The following RNF144B variants were observed in gnomAD, a reference collection of about 807,000 sequenced individuals.
The protein encoded by RNF144B is ring finger protein 144B, also known as E3 ubiquitin-protein ligase RNF144B.
A neutral mutation model predicts 40.2 loss-of-function variants in RNF144B; 25 were observed. The observed-to-expected ratio is 0.62, with a 90% CI of 0.45 to 0.87. RNF144B has a LOEUF of 0.87. RNF144B is among the 40% of genes least tolerant of loss of function. The pLI is 0.00. For synonymous variants in RNF144B, 145 were observed against 136.3 expected (o/e 1.06, Z -0.44); for missense variants, 365 against 373.7 (o/e 0.98, Z 0.19).
At position 18,450,389 on chromosome 6, in the gene RNF144B, C is replaced by A. The variant is rs1481592199; in HGVS notation, c.332-6766C>A. On this transcript the variant is annotated intron_variant, in intron 4 of 7. Coordinates refer to ENST00000259939, the MANE Select transcript of RNF144B (RefSeq NM_182757.4). The surrounding 1 kb of genome is among the most constrained non-coding windows in gnomAD (Gnocchi z 4.7). The stretch of plus-strand genomic sequence containing the variant: ...TTCAGCTTACTGCGATCTCCGCCTC[C>A]CGGGTTCAAGTGATTCTCCTGCCTC... Among the ~76,000 whole-genome samples the A allele has an allele frequency of 6.6e-6, 1 of 152,036 alleles. No individual in the cohort carries two copies. Among genetic ancestry groups the A allele is most frequent in the Admixed American group, 6.5e-5 (1 of 15,274 alleles).
At chr6:18,394,915 G>T (rs971606173) in intron 1 of RNF144B, among the ~76,000 whole-genome samples, 1 of 152,094 alleles carries the variant, frequency 6.6e-6, no homozygotes, top group Non-Finnish European at 1.5e-5. Context: ...TTTCAGAATG[G>T]CTTTCCTTCC....
intron 4 of RNF144B, among the ~76,000 whole-genome samples, chr6:18,451,967 G>A (rs1415410664): frequency 6.6e-6 from 1 of 152,148 alleles, no homozygotes; most frequent in Non-Finnish European, 1.5e-5. Flanking sequence ...CCCTAATTGA[G>A]GTGGGTGGAG....
At position 18,458,415 on chromosome 6, in the gene RNF144B, T is replaced by C. The variant is rs1759377922; in HGVS notation, c.536+1056T>C. Among the ~76,000 whole-genome samples the C allele has an allele frequency of 6.6e-6, 1 of 152,158 alleles. No individual in the cohort carries two copies. Among genetic ancestry groups the C allele is most frequent in the Non-Finnish European group, 1.5e-5 (1 of 68,028 alleles). Reference sequence around the variant, plus strand: ...AATGTGTAGAACCAGGCTTCATGAATAGTAATGCTACTTGGCTACGATGCT... The same window carrying C: ...AATGTGTAGAACCAGGCTTCATGAACAGTAATGCTACTTGGCTACGATGCT... On this transcript the variant is annotated intron_variant, in intron 5 of 7. Transcript: ENST00000259939. The surrounding 1 kb of genome is among the most constrained non-coding windows in gnomAD (Gnocchi z 4.8).
In RNF144B at chr6:18,457,293, A is replaced by G; in HGVS notation, c.470A>G (p.Lys157Arg). 6.2e-7 allele frequency: 1 copy of G among 1,614,204 alleles called. No homozygotes were observed. Among genetic ancestry groups the G allele is most frequent in the East Asian group, 2.2e-5 (1 of 44,874 alleles). The change falls in exon 5 of 8, where the codon AAG becomes AGG. Residue 157 changes from lysine to arginine, a missense_variant. Transcript: ENST00000259939. The surrounding 1 kb of genome is among the most constrained non-coding windows in gnomAD (Gnocchi z 5.1). ...CACCTGAAATTCTGCTCGTGTTGCA[A>G]GGATGCTTGGCATGCAGAGGTCTCC... ...SCHLKFCSCC[K>R]DAWHAEVSCR...
intron 3 of RNF144B, among the ~76,000 whole-genome samples, chr6:18,437,761 AGTT>A (rs1265781722): frequency 6.6e-6 from 1 of 152,186 alleles, no homozygotes; most frequent in South Asian, 2.1e-4. Context: ...CCATCTCTAC[AGTT>A]GTTTACTTTT....
intron 2 of RNF144B, among the ~76,000 whole-genome samples, chr6:18,407,202 C>T (rs1193621325): frequency 2.0e-5 from 3 of 152,044 alleles, no homozygotes; most frequent in African/African-American, 7.2e-5. Flanking sequence ...ATCCTGTGGC[C>T]AAGATGACAC....
At chr6:18,411,962 G>A (rs1008751151) in intron 2 of RNF144B, among the ~76,000 whole-genome samples, 2 of 152,118 alleles carry the variant, frequency 1.3e-5, no homozygotes, top group Non-Finnish European at 2.9e-5. Flanking sequence ...TTTAAGTATT[G>A]TATAGTGTTC....
Position 18,456,659 on chromosome 6 carries a change from G to T in RNF144B, c.332-496G>T, listed in dbSNP as rs1759332725. Among the ~76,000 whole-genome samples, 1 of 152,198 alleles carries T rather than the reference G, an allele frequency of 6.6e-6. No individual in the cohort carries two copies. The highest frequency in any genetic ancestry group is 2.4e-5 in the African/African-American group (1 of 41,444). On this transcript the variant is annotated intron_variant, in intron 4 of 7. Coordinates refer to ENST00000259939, the MANE Select transcript of RNF144B (RefSeq NM_182757.4). The surrounding 1 kb of genome is among the most constrained non-coding windows in gnomAD (Gnocchi z 4.7). ...GTTAGTACCTACTTTGAGAAATGTG[G>T]CAGGGCTTAGCGACCTTGTAAATGA...
At position 18,416,195 on chromosome 6, in the gene RNF144B, T is replaced by C. The variant is rs961149487; in HGVS notation, c.166-11386T>C. On this transcript the variant is annotated intron_variant, in intron 2 of 7. Transcript: ENST00000259939. The surrounding 1 kb of genome is among the most constrained non-coding windows in gnomAD (Gnocchi z 5.5). ...TAGCACCTGGGCCAGAGGGATCTCT[T>C]TGGGATTAGTATAAAAAGTGGGGCC... is the stretch of plus-strand genomic sequence containing the variant. Among the ~76,000 whole-genome samples, 77 of 152,118 alleles carry C rather than the reference T, an allele frequency of 5.1e-4. No homozygotes were observed. The highest frequency in any genetic ancestry group is 1.0e-3 in the Non-Finnish European group (68 of 68,016).
At chr6:18,454,159 A>T (rs920730008) in intron 4 of RNF144B, among the ~76,000 whole-genome samples, 2 of 152,214 alleles carry the variant, frequency 1.3e-5, no homozygotes, top group African/African-American at 4.8e-5. Flanking sequence ...TCAAAGGCAG[A>T]AAAACAGAAA....
chr6:18,449,561 T>G (rs1411519599), intron 4 of RNF144B, among the ~76,000 whole-genome samples: 1 of 152,132 alleles, frequency 6.6e-6, no homozygotes, highest in Non-Finnish European at 1.5e-5. Flanking sequence ...CCTTAATATT[T>G]TTAGCTCTAT....
At position 18,458,031 on chromosome 6, in the gene RNF144B, G is replaced by A. The variant is rs1302774517; in HGVS notation, c.536+672G>A. Among the ~76,000 whole-genome samples the A allele has an allele frequency of 1.3e-5, 2 of 151,860 alleles. No homozygotes were observed. Among genetic ancestry groups the A allele is most frequent in the Non-Finnish European group, 2.9e-5 (2 of 67,982 alleles). On this transcript the variant is annotated intron_variant, in intron 5 of 7. Coordinates refer to ENST00000259939, the MANE Select transcript of RNF144B (RefSeq NM_182757.4). This position sits in a 1 kb window ranked among gnomAD's most constrained non-coding sequence, Gnocchi z 4.8. ...CGGCTCACTGCAACCACTGCCTCCT[G>A]GGTTCAAGCGATTCTCCTGCCTCAG...
rs917684582 is a variant in RNF144B at position 18,450,081 on chromosome 6, A to C, written c.332-7074A>C. Reference sequence around the variant, plus strand: ...ATCTGTGTGTAGCTGTTTGACTGTAAGGGATAAGTCAGCTGTCACTGTTCC... The same window carrying C: ...ATCTGTGTGTAGCTGTTTGACTGTACGGGATAAGTCAGCTGTCACTGTTCC... On this transcript the variant is annotated intron_variant, in intron 4 of 7. Transcript: ENST00000259939. This position sits in a 1 kb window ranked among gnomAD's most constrained non-coding sequence, Gnocchi z 4.7. 2.0e-5 allele frequency among the ~76,000 whole-genome samples: 3 copies of C among 152,202 alleles called. No homozygotes were observed. Among genetic ancestry groups the C allele is most frequent in the Non-Finnish European group, 4.4e-5 (3 of 68,036 alleles).
rs58634102 is a variant in RNF144B at position 18,394,177 on chromosome 6, T to C, written c.-36-5322T>C. On this transcript the variant is annotated intron_variant, in intron 1 of 7. Transcript: ENST00000259939. ...AAATTCCAAAATAATTAGGGATAAG[T>C]GTCCTAATAATAATTAGGGTAAGTA... is the stretch of plus-strand genomic sequence containing the variant. Among the ~76,000 whole-genome samples, 443 of 152,334 alleles carry C rather than the reference T, an allele frequency of 2.9e-3. 2 individuals carry two copies. The highest frequency in any genetic ancestry group is 0.01 in the African/African-American group (427 of 41,562).
intron 4 of RNF144B, among the ~76,000 whole-genome samples, chr6:18,455,068 A>T (rs1037901916): frequency 1.1e-4 from 17 of 152,170 alleles, no homozygotes; most frequent in Non-Finnish European, 2.1e-4. Context: ...CTTTGGGCTT[A>T]GTATTTGTGA....
chr6:18,421,881 C>T (rs1181090238), intron 2 of RNF144B, among the ~76,000 whole-genome samples: 1 of 152,000 alleles, frequency 6.6e-6, no homozygotes, highest in Non-Finnish European at 1.5e-5. Flanking sequence ...ACTGTCAAAC[C>T]AAGGTCTCTT....
rs1795194246 is a variant in RNF144B at position 18,418,701 on chromosome 6, T to C, written c.166-8880T>C. ...ACTAAAAATACTGAATTGTACACTT[T>C]AGATGGGTGCATTGTATGGGTACGT... On this transcript the variant is annotated intron_variant, in intron 2 of 7. Coordinates refer to ENST00000259939, the MANE Select transcript of RNF144B (RefSeq NM_182757.4). The surrounding 1 kb of genome is among the most constrained non-coding windows in gnomAD (Gnocchi z 5.2). Among the ~76,000 whole-genome samples, 2 of 152,136 alleles carry C rather than the reference T, an allele frequency of 1.3e-5. No homozygotes were observed. The highest frequency in any genetic ancestry group is 6.5e-5 in the Admixed American group (1 of 15,272).
chr6:18,441,193 C>G lies in RNF144B; in HGVS notation c.331+1449C>G, dbSNP rs920355511. Among the ~76,000 whole-genome samples, 4 of 152,154 alleles carry G rather than the reference C, an allele frequency of 2.6e-5. No homozygotes were observed. The highest frequency in any genetic ancestry group is 1.5e-5 in the Non-Finnish European group (1 of 68,030). Reference sequence around the variant, plus strand: ...TAAGAGCATCAACCATCTGCCCTGCCATTTTCCCACTTTATCCCAACATCC... The same window carrying G: ...TAAGAGCATCAACCATCTGCCCTGCGATTTTCCCACTTTATCCCAACATCC... On this transcript the variant is annotated intron_variant, in intron 4 of 7. Coordinates refer to ENST00000259939, the MANE Select transcript of RNF144B (RefSeq NM_182757.4). This position sits in a 1 kb window ranked among gnomAD's most constrained non-coding sequence, Gnocchi z 4.9.
At chr6:18,421,561 A>G (rs1484460227) in intron 2 of RNF144B, among the ~76,000 whole-genome samples, 1 of 152,108 alleles carries the variant, frequency 6.6e-6, no homozygotes, top group Non-Finnish European at 1.5e-5. Context: ...TGACAATGAT[A>G]GCACCCCTAC....
Sources: gnomAD v4.1 joint callset for allele counts (sites outside exome capture counted in the v4.1 genomes callset) on GRCh38, gnomAD v4.1.1 for gene constraint, Gnocchi (gnomAD v3.1) non-coding constraint, MANE v1.5 for transcripts, NCBI Gene and HGNC (gene_info 2026-07-23, HGNC 2026-07-21) for gene names.